CHAT: variants seen among roughly 807,000 people sequenced by gnomAD.
CHAT encodes acetyl CoA:choline O-acetyltransferase.
In CHAT, 61 loss-of-function variants were observed where a neutral mutation model predicts 76.9. The observed-to-expected ratio is 0.79, with a 90% CI of 0.65 to 0.98. The LOEUF (loss-of-function observed/expected upper bound fraction) is 0.98, where lower values mean the gene tolerates loss of function less well. CHAT is among the 50% of genes least tolerant of loss of function. CHAT has a pLI of 0.00. For missense variants in CHAT, 946 were observed against 986.9 expected, an observed-to-expected ratio of 0.96 and a Z score of 0.56; for synonymous variants, 407 against 397.4, an observed-to-expected ratio of 1.02 and a Z score of -0.29.
At chr10:49,659,526 G>A (rs1279102773) in intron 13 of CHAT, among the ~76,000 whole-genome samples, 1 of 152,072 alleles carries the variant, frequency 6.6e-6, no homozygotes, top group Non-Finnish European at 1.5e-5. Context: ...GAAGTGAGAG[G>A]ACAAATGAAA....
At chr10:49,621,884 G>A (rs1226547144) in intron 4 of CHAT, among the ~76,000 whole-genome samples, 2 of 146,224 alleles carry the variant, frequency 1.4e-5, no homozygotes, top group Non-Finnish European at 2.9e-5. Flanking sequence ...ATTAGTGCAG[G>A]AACCACATCT....
At chr10:49,655,352 T>C in intron 12 of CHAT, 34 bp from the exon 13 acceptor site, 1 of 1,613,894 alleles carries the variant, frequency 6.2e-7, no homozygotes. Flanking sequence ...AGCAGCCTTT[T>C]AAACCCCGCG....
chr10:49,636,198 T>C (rs773271213), intron 7 of CHAT, among the ~76,000 whole-genome samples: 18 of 152,194 alleles, frequency 1.2e-4, no homozygotes, highest in African/African-American at 2.9e-4. Context: ...TGGTACTAGT[T>C]CAATAAGAGA....
chr10:49,622,714 C>T (rs1461523025), intron 5 of CHAT, among the ~76,000 whole-genome samples: 1 of 152,118 alleles, frequency 6.6e-6, no homozygotes, highest in Non-Finnish European at 1.5e-5. Flanking sequence ...TCTGGAGGAC[C>T]CAAGTCTCTC....
rs1031643940 is a variant in CHAT at position 49,620,416 on chromosome 10, G to A, written c.580-79G>A. On this transcript the variant is annotated intron_variant, in intron 3 of 14. Coordinates refer to ENST00000337653, the MANE Select transcript of CHAT (RefSeq NM_020549.5). ...ATGAATGAATTAATGCTCTGGTGAA[G>A]TGTCCCGATTTTCTCTCGGGGCTGT... 19 of 933,860 alleles carry A rather than the reference G, an allele frequency of 2.0e-5. No homozygotes were observed. In the Admixed American group the frequency reaches 3.2e-4, roughly 16 times the overall value. 57.8% of individuals were successfully genotyped at this position (933,860 alleles called of 1,614,324 possible). A position where few individuals can be genotyped will look rare whatever the true frequency, so the allele number is the denominator to read the frequency against.
intron 7 of CHAT, among the ~76,000 whole-genome samples, chr10:49,638,293 TTTCC>T (rs1024921762): frequency 1.6e-4 from 25 of 152,216 alleles, no homozygotes; most frequent in African/African-American, 5.5e-4. Flanking sequence ...GCTATATATT[TTTCC>T]TTCCTTTTAC....
At chr10:49,624,347 C>G (rs1838838373) in intron 5 of CHAT, among the ~76,000 whole-genome samples, 1 of 152,224 alleles carries the variant, frequency 6.6e-6, no homozygotes, top group South Asian at 2.1e-4. Context: ...ACAAACATTT[C>G]TGGGTTCAGG....
rs745367841 is a variant in CHAT at position 49,620,597 on chromosome 10, A to T, written c.682A>T (p.Thr228Ser). The T allele has an allele frequency of 6.2e-7, 1 of 1,613,112 alleles. No homozygotes were observed. The highest frequency in any genetic ancestry group is 1.1e-5 in the South Asian group (1 of 91,068). The change falls in exon 4 of 15, where the codon ACC becomes TCC. Residue 228 changes from threonine to serine, a missense_variant. Thr to Ser is a moderately conservative substitution (Grantham distance 58). Transcript: ENST00000337653. ...VIFARQHFPG[T>S]DDQLRFAASL... ...CTTTGCTCGGCAGCACTTCCCTGGCACCGATGACCAGCTGAGGTGAGGCCT... is the reference window on the plus strand; with the variant it reads ...CTTTGCTCGGCAGCACTTCCCTGGCTCCGATGACCAGCTGAGGTGAGGCCT...
intron 6 of CHAT, among the ~76,000 whole-genome samples, chr10:49,625,913 A>C (rs934155068): frequency 6.6e-6 from 1 of 152,198 alleles, no homozygotes; most frequent in African/African-American, 2.4e-5. Flanking sequence ...GAGGGTCATG[A>C]TCGAGACCTC....
At chr10:49,629,627 G>A (rs564945151) in intron 7 of CHAT, among the ~76,000 whole-genome samples, 1 of 152,380 alleles carries the variant, frequency 6.6e-6, no homozygotes, top group East Asian at 1.9e-4. Context: ...CAAGGTCTGA[G>A]CACTTGGGCT....
chr10:49,643,890 G>T (rs1385658163), intron 7 of CHAT, among the ~76,000 whole-genome samples: 2 of 152,226 alleles, frequency 1.3e-5, no homozygotes, highest in African/African-American at 4.8e-5. Flanking sequence ...GTGCTGATAT[G>T]GGGGAGGGGA....
chr10:49,611,162 T>G, upstream of CHAT: 1 of 1,614,162 alleles, frequency 6.2e-7, no homozygotes, highest in Non-Finnish European at 8.5e-7. Flanking sequence ...GTGAACCCCT[T>G]GAGCGGGCCC....
At chr10:49,627,125 C>T (rs1838949828) in intron 6 of CHAT, among the ~76,000 whole-genome samples, 1 of 152,254 alleles carries the variant, frequency 6.6e-6, no homozygotes, top group South Asian at 2.1e-4. Context: ...AGCCATTCCC[C>T]TTCTGGAGAA....
intron 13 of CHAT, among the ~76,000 whole-genome samples, chr10:49,657,312 C>T (rs1840065544): frequency 6.6e-6 from 1 of 152,082 alleles, no homozygotes; most frequent in Non-Finnish European, 1.5e-5. Flanking sequence ...CTGTGTACAG[C>T]CTCTTGTATA....
intron 13 of CHAT, among the ~76,000 whole-genome samples, chr10:49,659,568 A>G (rs1365919059): frequency 6.6e-6 from 1 of 152,222 alleles, no homozygotes; most frequent in Non-Finnish European, 1.5e-5. Context: ...TCAGTTAGAA[A>G]CAGATACATG....
chr10:49,622,031 A>T, intron 4 of CHAT, 66 bp from the exon 5 acceptor site: 1 of 1,445,398 alleles, frequency 6.9e-7, no homozygotes, highest in Non-Finnish European at 9.5e-7. Flanking sequence ...GGGAGGCAGA[A>T]GGGAGGGAGG....
intron 14 of CHAT, 82 bp downstream of exon 14, chr10:49,662,864 G>A (rs749348328): frequency 2.8e-5 from 44 of 1,547,684 alleles, no homozygotes; most frequent in Non-Finnish European, 3.8e-5. Flanking sequence ...CCCACTAGCT[G>A]GAATCAGGCA....
At chr10:49,653,433 T>C (rs1033532858) in intron 11 of CHAT, among the ~76,000 whole-genome samples, 11 of 152,188 alleles carry the variant, frequency 7.2e-5, no homozygotes, top group Admixed American at 1.3e-4. Context: ...TCCAACCTGC[T>C]TTCAGTTTGC....
intron 10 of CHAT, 158 bp from the exon 11 acceptor site, chr10:49,651,726 T>G (rs1251749116): frequency 4.4e-6 from 3 of 685,516 alleles, no homozygotes; most frequent in Non-Finnish European, 7.4e-6. Context: ...GGTCAAGGCA[T>G]GTCTCTGACA....
Sources: allele counts gnomAD v4.1 joint callset (sites outside exome capture counted in the v4.1 genomes callset), GRCh38; gene constraint gnomAD v4.1.1; transcripts MANE v1.5; gene names NCBI Gene and HGNC (gene_info 2026-07-23, HGNC 2026-07-21).